RPSA2: variants seen among roughly 807,000 people sequenced by gnomAD.
RPSA2 encodes small ribosomal subunit protein uS2B.
chr19:23,808,883 A>G, the RPSA2 span: 1 of 416,946 alleles, frequency 2.4e-6, no homozygotes, highest in South Asian at 2.9e-5. Flanking sequence ...CAAGTCTTTA[A>G]AGTGATTTGG....
At chr19:23,759,522 G>GTTTTTTTTTTTTTTTTTTT in the RPSA2 span, among the ~76,000 whole-genome samples, 2 of 89,034 alleles carry the variant, frequency 2.2e-5, no homozygotes, top group Non-Finnish European at 4.0e-5. Context: ...TATATATCAG[G>GTTTTTTTTTTTTTTTTTTT]TTTTTTTTTT....
At chr19:23,852,240 G>A in the RPSA2 span, among the ~76,000 whole-genome samples, 5 of 152,296 alleles carry the variant, frequency 3.3e-5, 1 homozygote, top group East Asian at 9.7e-4. Flanking sequence ...AAACAAGTTA[G>A]CACATATGTT....
At chr19:23,849,026 T>C in the RPSA2 span, among the ~76,000 whole-genome samples, 1 of 152,228 alleles carries the variant, frequency 6.6e-6, no homozygotes, top group Non-Finnish European at 1.5e-5. Flanking sequence ...TGGGTAAAGT[T>C]ACCAGTATCC....
the RPSA2 span, among the ~76,000 whole-genome samples, chr19:23,863,740 C>T: frequency 2.6e-5 from 4 of 152,144 alleles, no homozygotes; most frequent in Non-Finnish European, 4.4e-5. Context: ...TGAGCCCTTA[C>T]AAAATTCCAT....
the RPSA2 span, among the ~76,000 whole-genome samples, chr19:23,764,046 A>T: frequency 2.5e-4 from 38 of 152,148 alleles, no homozygotes; most frequent in African/African-American, 8.9e-4. Context: ...TTCAATTATG[A>T]TTGAATTTTG....
chr19:23,773,341 T>G, the RPSA2 span, among the ~76,000 whole-genome samples: 1 of 151,714 alleles, frequency 6.6e-6, no homozygotes, highest in East Asian at 2.0e-4. Context: ...TGGAGTGCAG[T>G]GGCGTGATCT....
the RPSA2 span, among the ~76,000 whole-genome samples, chr19:23,841,585 C>T: frequency 6.6e-6 from 1 of 152,288 alleles, no homozygotes; most frequent in Admixed American, 6.5e-5. Flanking sequence ...CAGGTTCCAA[C>T]CCAATCGGAG....
chr19:23,858,307 C>T, the RPSA2 span, among the ~76,000 whole-genome samples: 1 of 151,672 alleles, frequency 6.6e-6, no homozygotes, highest in Non-Finnish European at 1.5e-5. Context: ...TTTTAATGTA[C>T]ATTGTTAGAG....
chr19:23,859,660 T>C, the RPSA2 span, among the ~76,000 whole-genome samples: 1 of 152,302 alleles, frequency 6.6e-6, no homozygotes, highest in South Asian at 2.1e-4. Context: ...TAGTCATGTC[T>C]TCTGCTTATT....
chr19:23,768,929 G>A, the RPSA2 span, among the ~76,000 whole-genome samples: 122 of 152,008 alleles, frequency 8.0e-4, no homozygotes, highest in African/African-American at 2.9e-3. Context: ...TTACCTGAAC[G>A]TTGCCCAAAA....
At chr19:23,862,093 G>A in the RPSA2 span, among the ~76,000 whole-genome samples, 11 of 151,942 alleles carry the variant, frequency 7.2e-5, no homozygotes, top group South Asian at 6.2e-4. Context: ...GGTCCTTCAC[G>A]TCCCTTGTAA....
chr19:23,793,980 C>T, the RPSA2 span, among the ~76,000 whole-genome samples: 1 of 152,184 alleles, frequency 6.6e-6, no homozygotes, highest in African/African-American at 2.4e-5. Context: ...CCATATTGCT[C>T]AGGGTGGTCT....
chr19:23,836,964 C>T, the RPSA2 span, among the ~76,000 whole-genome samples: 1 of 152,116 alleles, frequency 6.6e-6, no homozygotes, highest in African/African-American at 2.4e-5. Context: ...TTCCTTTTGC[C>T]ATGCCAAAGC....
the RPSA2 span, among the ~76,000 whole-genome samples, chr19:23,859,040 C>T: frequency 6.6e-6 from 1 of 152,190 alleles, no homozygotes; most frequent in African/African-American, 2.4e-5. Context: ...AACCTCCAAT[C>T]CTAAACCAAC....
the RPSA2 span, among the ~76,000 whole-genome samples, chr19:23,761,068 T>TTG: frequency 9.4e-3 from 769 of 81,666 alleles, 13 homozygotes; most frequent in African/African-American, 0.033. Context: ...ATATATATGT[T>TTG]TGTGTGTGTG....
chr19:23,858,225 C>T, the RPSA2 span, among the ~76,000 whole-genome samples: 3 of 130,846 alleles, frequency 2.3e-5, no homozygotes, highest in Non-Finnish European at 4.6e-5. Flanking sequence ...TCATTGAAAG[C>T]CAGCACACCT....
chr19:23,780,024 C>T, the RPSA2 span, among the ~76,000 whole-genome samples: 1 of 152,190 alleles, frequency 6.6e-6, no homozygotes, highest in Non-Finnish European at 1.5e-5. Flanking sequence ...CGTTGGTAAC[C>T]TACATCTCAG....
the RPSA2 span, among the ~76,000 whole-genome samples, chr19:23,870,462 C>A: frequency 2.0e-5 from 3 of 152,092 alleles, no homozygotes; most frequent in African/African-American, 7.2e-5. Flanking sequence ...TCCATGGGAC[C>A]TTGTAAAAGC....
chr19:23,785,686 C>CA, the RPSA2 span, among the ~76,000 whole-genome samples: 148,770 of 152,084 alleles, frequency 0.98, 72,855 homozygotes, highest in Middle Eastern at 1. Context: ...TATTCTTGGC[C>CA]AAAAACCCAG....
Sources: allele counts gnomAD v4.1 joint callset (sites outside exome capture counted in the v4.1 genomes callset), GRCh38; gene constraint gnomAD v4.1.1; transcripts MANE v1.5; gene names NCBI Gene and HGNC (gene_info 2026-07-23, HGNC 2026-07-21).